Variants in SLC25A48 observed in about 807,000 individuals in gnomAD.
SLC25A48 encodes CTC-321K16.1.
Under a neutral mutation model 32.2 loss-of-function variants are expected in SLC25A48, and 29 were observed. The ratio of observed to expected loss-of-function variants is 0.90; its 90% CI spans 0.67 to 1.23. The LOEUF is 1.23. Ranked by LOEUF, SLC25A48 falls within the 50% of genes most tolerant of loss-of-function variation. The pLI, the probability that SLC25A48 is intolerant of heterozygous loss-of-function variation, is 0.00. For missense variants in SLC25A48, 399 were observed against 422.7 expected, an observed-to-expected ratio of 0.94 and a Z score of 0.49; for synonymous variants, 164 against 172.3, an observed-to-expected ratio of 0.95 and a Z score of 0.38.
intron 3 of SLC25A48, among the ~76,000 whole-genome samples, chr5:135,684,682 A>G (rs1753976218): frequency 6.6e-6 from 1 of 152,210 alleles, no homozygotes; most frequent in Non-Finnish European, 1.5e-5. Flanking sequence ...GGCCCAGCAC[A>G]CAGCATCCCC....
In SLC25A48 at chr5:135,862,169, G is replaced by A. The variant is rs181932377; in HGVS notation, c.422-9292G>A. On this transcript the variant is annotated intron_variant, in intron 4 of 7. Transcript: ENST00000681962. ...CTGTTGAGCCTGAGCTAGAAGTCAG[G>A]GCTGTGACCCTGCAGACCAGTAGTC... 1.5e-4 allele frequency among the ~76,000 whole-genome samples: 23 copies of A among 152,336 alleles called. No homozygotes were observed. The East Asian group carries it at 3.7e-3, about 24-fold the overall frequency.
chr5:135,810,936 G>C (rs1757577611), intron 3 of SLC25A48, among the ~76,000 whole-genome samples: 1 of 152,204 alleles, frequency 6.6e-6, no homozygotes, highest in Admixed American at 6.5e-5. Context: ...GGGAGGGGTT[G>C]AGTGGACACT....
At chr5:135,820,633 CAT>C (rs1165641454) in intron 4 of SLC25A48, among the ~76,000 whole-genome samples, 1 of 152,072 alleles carries the variant, frequency 6.6e-6, no homozygotes, top group East Asian at 1.9e-4. Context: ...TAAAAAAAAT[CAT>C]AAAAATGGAC....
At chr5:135,731,488 T>A (rs1755221146) in intron 3 of SLC25A48, among the ~76,000 whole-genome samples, 1 of 152,124 alleles carries the variant, frequency 6.6e-6, no homozygotes. Context: ...TGGGCAATGT[T>A]TCTTGGGGCT....
intron 3 of SLC25A48, among the ~76,000 whole-genome samples, chr5:135,722,768 C>G (rs1371506057): frequency 6.6e-6 from 1 of 152,362 alleles, no homozygotes; most frequent in African/African-American, 2.4e-5. Context: ...ATTGTCCGGA[C>G]AGTTAGGGGA....
intron 3 of SLC25A48, among the ~76,000 whole-genome samples, chr5:135,793,661 A>G (rs892072380): frequency 4.0e-5 from 6 of 151,570 alleles, no homozygotes; most frequent in African/African-American, 1.5e-4. Context: ...GTGCATTTCC[A>G]TCTTGTTTGT....
chr5:135,599,019 G>A (rs556016097), intron 1 of SLC25A48, among the ~76,000 whole-genome samples: 7 of 152,150 alleles, frequency 4.6e-5, no homozygotes, highest in Non-Finnish European at 7.4e-5. Context: ...ATATAACGAG[G>A]TGTGTCTGAC....
At chr5:135,760,592 G>A (rs181735263) in intron 3 of SLC25A48, among the ~76,000 whole-genome samples, 4 of 152,330 alleles carry the variant, frequency 2.6e-5, no homozygotes, top group South Asian at 4.1e-4. Context: ...GCTCAGCTGG[G>A]CTCCAGGTCA....
intron 3 of SLC25A48, among the ~76,000 whole-genome samples, chr5:135,710,611 A>G (rs1754629755): frequency 6.6e-6 from 1 of 152,226 alleles, no homozygotes; most frequent in Non-Finnish European, 1.5e-5. Flanking sequence ...CTCTGTGCAA[A>G]TGGGCATATT....
chr5:135,726,961 G>T (rs967542198), intron 3 of SLC25A48, among the ~76,000 whole-genome samples: 1 of 152,112 alleles, frequency 6.6e-6, no homozygotes, highest in Admixed American at 6.5e-5. Context: ...ATCCTCGGCA[G>T]CATTTGGTGT....
intron 7 of SLC25A48, among the ~76,000 whole-genome samples, chr5:135,887,775 ACCTGTGCTCTTGCAGGCAGCAGTGCCC>A (rs562964906): frequency 3.0e-4 from 46 of 151,924 alleles, no homozygotes; most frequent in Middle Eastern, 6.8e-3. Context: ...GCCATCAGCC[ACCTGTGCTCTTGCAGGCAGCAGTGCCC>A]CCTGTGCTCT....
At chr5:135,839,263 T>C (rs529754141) in intron 1 of SLC25A48, among the ~76,000 whole-genome samples, 21 of 152,130 alleles carry the variant, frequency 1.4e-4, no homozygotes, top group Admixed American at 7.2e-4. Context: ...AATCACAGGA[T>C]GGAGCTGCCC....
intron 3 of SLC25A48, among the ~76,000 whole-genome samples, chr5:135,767,657 G>C (rs547380883): frequency 4.0e-5 from 6 of 151,570 alleles, no homozygotes; most frequent in African/African-American, 1.5e-4. Context: ...AATATCCAGG[G>C]GGAAAAAGGA....
intron 3 of SLC25A48, among the ~76,000 whole-genome samples, chr5:135,691,363 G>A (rs1754139587): frequency 6.6e-6 from 1 of 152,208 alleles, no homozygotes. Flanking sequence ...TTGTATGGGA[G>A]TCCTTCCTGG....
intron 4 of SLC25A48, chr5:135,824,829 G>A (rs1436285763): frequency 4.6e-5 from 7 of 152,354 alleles, no homozygotes; most frequent in Admixed American, 4.6e-4. Flanking sequence ...GAGTTGAGGA[G>A]GCCATAGAGG....
chr5:135,621,970 G>C (rs1039526780), intron 1 of SLC25A48, among the ~76,000 whole-genome samples: 9 of 152,026 alleles, frequency 5.9e-5, no homozygotes, highest in Admixed American at 1.3e-4. Flanking sequence ...GTTTATATAA[G>C]ATCTTGTATA....
chr5:135,657,376 A>C (rs1408370164), intron 3 of SLC25A48, among the ~76,000 whole-genome samples: 1 of 152,238 alleles, frequency 6.6e-6, no homozygotes, highest in Non-Finnish European at 1.5e-5. Context: ...TTCTGTGGGA[A>C]ATGAAGACTT....
intron 3 of SLC25A48, among the ~76,000 whole-genome samples, chr5:135,657,005 T>A (rs369384591): frequency 6.6e-6 from 1 of 152,158 alleles, no homozygotes; most frequent in Admixed American, 6.5e-5. Context: ...ATCCTCCATC[T>A]CAGGGTGAGC....
At chr5:135,808,111 ATC>A (rs1411373036) in intron 3 of SLC25A48, among the ~76,000 whole-genome samples, 2 of 151,098 alleles carry the variant, frequency 1.3e-5, no homozygotes, top group African/African-American at 4.8e-5. Flanking sequence ...TTTTATTAAT[ATC>A]ACAGTGTGTT....
Sources: gnomAD v4.1 joint callset for allele counts (sites outside exome capture counted in the v4.1 genomes callset) on GRCh38, gnomAD v4.1.1 for gene constraint, MANE v1.5 for transcripts, NCBI Gene and HGNC (gene_info 2026-07-23, HGNC 2026-07-21) for gene names.